Variants in MORN1 observed in about 807,000 individuals in gnomAD.
MORN1 encodes MORN repeat containing 1.
In MORN1, 67 loss-of-function variants were observed where a neutral mutation model predicts 61.9. The ratio of observed to expected loss-of-function variants is 1.08; its 90% confidence interval spans 0.89 to 1.33. The LOEUF (loss-of-function observed/expected upper bound fraction) is 1.33, where lower values mean the gene tolerates loss of function less well. Among genes scored for constraint, MORN1 ranks in the 40% most tolerant of loss-of-function variants. The pLI, the probability that MORN1 is intolerant of heterozygous loss-of-function variation, is 0.00. For missense variants in MORN1, 752 were observed against 691.2 expected (o/e 1.09, Z -0.99); for synonymous variants, 301 against 292.0 (o/e 1.03, Z -0.31).
In MORN1 at chr1:2,324,136, C is replaced by G. The variant is rs376591669; in HGVS notation, c.1258G>C (p.Gly420Arg). 6.3e-7 allele frequency: 1 copy of G among 1,599,742 alleles called. No homozygotes were observed. The highest frequency in any genetic ancestry group is 2.3e-5 in the East Asian group (1 of 44,364). Residue 420 changes from glycine to arginine, a missense_variant, in exon 13 of 14, where the codon GGG (glycine) becomes CGG (arginine). Transcript: ENST00000378531. The part of the protein sequence containing the change: ...QEPPGGSRPE[G>R]RATEEQAAAA... Reference sequence around the variant, plus strand: ...GCAGCCTGCTCCTCCGTGGCTCTCCCCTCAGGCCTGTGGAGACGACACAGT... The same window carrying G: ...GCAGCCTGCTCCTCCGTGGCTCTCCGCTCAGGCCTGTGGAGACGACACAGT...
rs777478228 is a variant in MORN1, at chr1:2,388,258, G to A, written c.228C>T (p.Arg76=). The change falls in exon 3 of 14, where the codon CGC becomes CGT. Residue 76 remains arginine, a synonymous_variant. Coordinates refer to ENST00000378531, the MANE Select transcript of MORN1 (RefSeq NM_024848.3). ...FVDGEITGEG[R]RHWAWSGDTF... ...GCTCACCTGACCAGGCCCAGTGCCG[G>A]CGGCCTTCTCCCGTGATCTCTCCGT... 4 of 1,613,636 alleles carry A rather than the reference G, an allele frequency of 2.5e-6. No individual in the cohort carries two copies. The African/African-American group carries it at 4.0e-5, about 16-fold the overall frequency.
At chr1:2,384,126 ATTT>A (rs1356676586) in intron 6 of MORN1, among the ~76,000 whole-genome samples, 1 of 151,668 alleles carries the variant, frequency 6.6e-6, no homozygotes, top group East Asian at 1.9e-4. Context: ...CTTGTTAGTG[ATTT>A]TTTCATTACA....
At chr1:2,341,972 G>A (rs1471411523) in intron 10 of MORN1, among the ~76,000 whole-genome samples, 1 of 152,246 alleles carries the variant, frequency 6.6e-6, no homozygotes, top group East Asian at 1.9e-4. Context: ...GAGAGTGAGG[G>A]TCCCCGGCAG....
At chr1:2,384,897 G>T in intron 6 of MORN1, 81 bp downstream of exon 6, 2 of 1,236,426 alleles carry the variant, frequency 1.6e-6, no homozygotes, top group Non-Finnish European at 1.1e-6. Flanking sequence ...GCCAGGGTGA[G>T]GCTCCCCATA....
chr1:2,356,347 T>C lies in MORN1; in HGVS notation c.1036+1085A>G, dbSNP rs1387888929. On this transcript the variant is annotated intron_variant, in intron 10 of 13. Coordinates refer to ENST00000378531, the MANE Select transcript of MORN1 (RefSeq NM_024848.3). ...GACGTCTCGTCAAACCTGGGACATT[T>C]ATCTGCATGTGGAAGGTGGTGGCAC... Among the ~76,000 whole-genome samples, 75 of 152,152 alleles carry C rather than the reference T, an allele frequency of 4.9e-4. 3 individuals are homozygous for C. Among genetic ancestry groups the C allele is most frequent in the Admixed American group, 4.8e-3 (74 of 15,282 alleles).
chr1:2,355,492 AGGCTCTGG>A (rs1272761334), intron 10 of MORN1: 1 of 1,550,076 alleles, frequency 6.5e-7, no homozygotes. Flanking sequence ...CGAGGCTCTG[AGGCTCTGG>A]GGCTTCTAGC....
chr1:2,367,779 C>T (rs1455909345), intron 8 of MORN1, among the ~76,000 whole-genome samples: 1 of 152,132 alleles, frequency 6.6e-6, no homozygotes, highest in African/African-American at 2.4e-5. Flanking sequence ...AGGCACCCGC[C>T]ACTATGCCCA....
At chr1:2,362,506 G>A (rs1030429672) in intron 8 of MORN1, among the ~76,000 whole-genome samples, 1 of 152,130 alleles carries the variant, frequency 6.6e-6, no homozygotes, top group African/African-American at 2.4e-5. Flanking sequence ...AAAAACAGAA[G>A]GAAGAAAGGA....
intron 10 of MORN1, 21 bp from the exon 11 acceptor site, chr1:2,336,871 A>C: frequency 6.5e-7 from 1 of 1,543,102 alleles, no homozygotes. Flanking sequence ...AGAATGAAGA[A>C]AGACCCTATG....
intron 13 of MORN1, 121 bp downstream of exon 13, chr1:2,323,976 G>A: frequency 6.9e-7 from 1 of 1,450,712 alleles, no homozygotes; most frequent in Non-Finnish European, 9.1e-7. Context: ...CCCACCCACT[G>A]CCACCTACCT....
Position 2,378,574 on chromosome 1 carries a change from C to T in MORN1, c.538-4017G>A, listed in dbSNP as rs373447808. The T allele has an allele frequency of 1.6e-3, 389 of 245,136 alleles. 1 individual carries two copies. The highest frequency in any genetic ancestry group is 8.4e-3 in the African/African-American group (373 of 44,258). 15.2% of individuals were successfully genotyped at this position (245,136 alleles called of 1,614,324 possible). A position where few individuals can be genotyped will look rare whatever the true frequency, so the allele number is the denominator to read the frequency against. ...CAGTGAGCAGGTGCTCGGCACCCAG[C>T]GGCAACTCCGGGAAAGCTGGCGTGT... On this transcript the variant is annotated intron_variant, in intron 6 of 13. Coordinates refer to ENST00000378531, the MANE Select transcript of MORN1 (RefSeq NM_024848.3).
At chr1:2,325,292 C>T (rs1461286171) in intron 12 of MORN1, among the ~76,000 whole-genome samples, 1 of 144,010 alleles carries the variant, frequency 6.9e-6, no homozygotes, top group Non-Finnish European at 1.5e-5. Flanking sequence ...TCTCTCCTCT[C>T]TCTCTCTCTC....
intron 4 of MORN1, 28 bp downstream of exon 4, chr1:2,387,391 C>A (rs766317016): frequency 1.8e-5 from 28 of 1,564,258 alleles, no homozygotes; most frequent in Middle Eastern, 1.7e-4. Context: ...CCCACCCTCA[C>A]AGCACCCGGC....
At chr1:2,339,398 C>CG (rs1445618196) in intron 10 of MORN1, among the ~76,000 whole-genome samples, 3 of 152,222 alleles carry the variant, frequency 2.0e-5, no homozygotes, top group Non-Finnish European at 4.4e-5. Flanking sequence ...CTCCCTGAGT[C>CG]GGGGCTGCAG....
At chr1:2,385,357 G>A in intron 5 of MORN1, 1 of 503,054 alleles carries the variant, frequency 2.0e-6, no homozygotes, top group Non-Finnish European at 3.6e-6. Flanking sequence ...GGAGGGGGCT[G>A]CAGTCTCCAC....
intron 10 of MORN1, among the ~76,000 whole-genome samples, chr1:2,340,575 C>T (rs1393716280): frequency 6.6e-6 from 1 of 152,246 alleles, no homozygotes; most frequent in Non-Finnish European, 1.5e-5. Flanking sequence ...GGTCCCTAGG[C>T]CTCCAGCACC....
Position 2,337,109 on chromosome 1 carries a change from G to A in MORN1, c.1037-259C>T, listed in dbSNP as rs549960236. Among the ~76,000 whole-genome samples, 104 of 152,280 alleles carry A rather than the reference G, an allele frequency of 6.8e-4. No individual in the cohort carries two copies. The highest frequency in any genetic ancestry group is 2.4e-3 in the African/African-American group (101 of 41,548). ...CGCCCCCTTCTGAGTCCACCCCAGCGCCAGGGAGCCCAGCGCTTTGCAGTG... is the reference window on the plus strand; with the variant it reads ...CGCCCCCTTCTGAGTCCACCCCAGCACCAGGGAGCCCAGCGCTTTGCAGTG... On this transcript the variant is annotated intron_variant, in intron 10 of 13. Transcript: ENST00000378531. This position sits in a 1 kb window ranked among gnomAD's most constrained non-coding sequence, Gnocchi z 5.7.
At position 2,372,517 on chromosome 1, in the gene MORN1, C is replaced by T. The variant is rs768650471; in HGVS notation, c.709G>A (p.Val237Ile). ...TCCCCGTGGTCCTGCAGCAGCTGAA[C>T]GTTCACCGAGAAGGGAGACCCTTGG... Reference protein sequence around the residue: ...VAQGSPFSVNVQLLQDHGEIA... With the variant: ...VAQGSPFSVNIQLLQDHGEIA... The change falls in exon 8 of 14, where the codon GTT becomes ATT. Residue 237 changes from valine (V) to isoleucine (I), a missense_variant. Val to Ile is a conservative substitution (Grantham distance 29). Transcript: ENST00000378531. The surrounding 1 kb of genome is among the most constrained non-coding windows in gnomAD (Gnocchi z 5.4). The T allele has an allele frequency of 9.3e-6, 15 of 1,613,860 alleles. No homozygotes were observed. In the African/African-American group the frequency reaches 9.3e-5, roughly 10 times the overall value.
intron 6 of MORN1, among the ~76,000 whole-genome samples, chr1:2,381,504 C>G (rs12033172): frequency 0.068 from 10,304 of 152,168 alleles, 469 homozygotes; most frequent in South Asian, 0.23. Flanking sequence ...CACGGGCCTG[C>G]CTGGGGAGGG....
Sources: allele counts gnomAD v4.1 joint callset (sites outside exome capture counted in the v4.1 genomes callset), GRCh38; gene constraint gnomAD v4.1.1; non-coding constraint Gnocchi (gnomAD v3.1); transcripts MANE v1.5; gene names NCBI Gene and HGNC (gene_info 2026-07-23, HGNC 2026-07-21).